SH3TC1: variants seen among roughly 807,000 people sequenced by gnomAD.
SH3TC1 encodes SH3 domain and tetratricopeptide repeat-containing protein 1.
Under a neutral mutation model 117.3 loss-of-function variants are expected in SH3TC1, and 135 were observed. The observed-to-expected ratio is 1.15, with a 90% CI of 1.00 to 1.33. SH3TC1 has a LOEUF of 1.33. SH3TC1 is among the 40% of genes most tolerant of loss of function. SH3TC1 has a pLI of 0.00. For synonymous variants in SH3TC1, 898 were observed against 816.9 expected (o/e 1.10, Z -1.69); for missense variants, 2,092 against 1,794.3 (o/e 1.17, Z -3.00).
rs1487723432 is a variant in SH3TC1, at chr4:8,228,440, G to A, written c.2746G>A (p.Ala916Thr). 1 of 1,604,768 alleles carries A rather than the reference G, an allele frequency of 6.2e-7. No homozygotes were observed. The highest frequency in any genetic ancestry group is 8.5e-7 in the Non-Finnish European group (1 of 1,175,514). The change falls in exon 12 of 18, where the codon GCG becomes ACG. Residue 916 changes from alanine to threonine, a missense_variant. Ala to Thr is a moderately conservative substitution (Grantham distance 58). Coordinates refer to ENST00000245105, the MANE Select transcript of SH3TC1 (RefSeq NM_018986.5). ...CAACTTCGGGGCCCTGTGCCTGCAT[G>A]CGGGTGCCAGCAGGCTGGCCCAGCA... Reference protein sequence around the residue: ...LANFGALCLHAGASRLAQHYL... With the variant: ...LANFGALCLHTGASRLAQHYL...
At chr4:8,208,396 C>A (rs1399730756) in intron 2 of SH3TC1, among the ~76,000 whole-genome samples, 1 of 138,996 alleles carries the variant, frequency 7.2e-6, no homozygotes, top group East Asian at 2.1e-4. Flanking sequence ...GAGATGGAGT[C>A]TCGCTCTGTT....
chr4:8,193,008 GC>G (rs1194075828), intron 1 of SH3TC1, among the ~76,000 whole-genome samples: 1 of 152,182 alleles, frequency 6.6e-6, no homozygotes, highest in East Asian at 1.9e-4. Context: ...ACCACATCTG[GC>G]CCCCTGTCTT....
chr4:8,211,278 C>G lies in SH3TC1; in HGVS notation c.248-1423C>G, dbSNP rs191931651. ...CCACCGTCCTGTTTTCTCCCCCTCC[C>G]TCCTTCTCCCCCTCCCGTTTTCTCC... On this transcript the variant is annotated intron_variant, in intron 3 of 17. Transcript: ENST00000245105. 1.2e-3 allele frequency among the ~76,000 whole-genome samples: 64 copies of G among 55,166 alleles called. 6 individuals carry two copies. The East Asian group carries it at 0.038, about 33-fold the overall frequency. 36.2% of individuals were successfully genotyped at this position (55,166 alleles called of 152,430 possible).
intron 12 of SH3TC1, among the ~76,000 whole-genome samples, chr4:8,230,169 GC>G (rs1721056333): frequency 6.6e-6 from 1 of 152,186 alleles, no homozygotes; most frequent in African/African-American, 2.4e-5. Flanking sequence ...TTTGGCTGTT[GC>G]GTCTAGATGA....
At position 8,199,309 on chromosome 4, in the gene SH3TC1, C is replaced by G. The variant is rs964686030; in HGVS notation, c.-125C>G. The stretch of plus-strand genomic sequence containing the variant: ...TGCTCCGTCCAGCTGGAGACAGCCC[C>G]GTGGGGCCAGCCAGCGCTGGGCCAG... On this transcript the variant is annotated 5_prime_UTR_variant, in exon 1 of 18. Coordinates refer to ENST00000245105, the MANE Select transcript of SH3TC1 (RefSeq NM_018986.5). 1.3e-5 allele frequency: 2 copies of G among 152,284 alleles called. No homozygotes were observed. Among genetic ancestry groups the G allele is most frequent in the Admixed American group, 1.3e-4 (2 of 15,284 alleles). 9.4% of individuals were successfully genotyped at this position (152,284 alleles called of 1,614,324 possible). A position where few individuals can be genotyped will look rare whatever the true frequency, so the allele number is the denominator to read the frequency against.
chr4:8,220,124 C>T (rs1315421907), intron 9 of SH3TC1, among the ~76,000 whole-genome samples: 2 of 152,190 alleles, frequency 1.3e-5, no homozygotes, highest in African/African-American at 2.4e-5. Context: ...CTGCAAAGAT[C>T]CTTTCTCCAA....
At chr4:8,234,648 C>T (rs547745393) in intron 14 of SH3TC1, among the ~76,000 whole-genome samples, 38 of 152,356 alleles carry the variant, frequency 2.5e-4, no homozygotes, top group African/African-American at 9.1e-4. Flanking sequence ...TCCATCCACT[C>T]ATTCCTAAGC....
chr4:8,232,890 C>T (rs774043973), intron 13 of SH3TC1: 9 of 1,216,288 alleles, frequency 7.4e-6, no homozygotes, highest in Non-Finnish European at 7.3e-6. Flanking sequence ...GAGCAGCATC[C>T]ATGTCACCTA....
chr4:8,225,085 C>T lies in SH3TC1; in HGVS notation c.1244-90C>T. On this transcript the variant is annotated intron_variant, in intron 10 of 17. Coordinates refer to ENST00000245105, the MANE Select transcript of SH3TC1 (RefSeq NM_018986.5). This position sits in a 1 kb window ranked among gnomAD's most constrained non-coding sequence, Gnocchi z 5.5. ...CAATACCTGCACCCAGCAATGCTCTCACCCTGCAACATCGACACTAGCTCA... is the reference window on the plus strand; with the variant it reads ...CAATACCTGCACCCAGCAATGCTCTTACCCTGCAACATCGACACTAGCTCA... 2.7e-6 allele frequency: 4 copies of T among 1,491,054 alleles called. No individual in the cohort carries two copies. Among genetic ancestry groups the T allele is most frequent in the Non-Finnish European group, 3.7e-6 (4 of 1,080,300 alleles). The allele number at this position is 1,491,054 out of a possible 1,614,324, so 92.4% of individuals were successfully genotyped here. A position where few individuals can be genotyped will look rare whatever the true frequency, so the allele number is the denominator to read the frequency against.
chr4:8,189,269 C>G (rs917727492), intron 1 of SH3TC1, among the ~76,000 whole-genome samples: 1 of 152,242 alleles, frequency 6.6e-6, no homozygotes, highest in Non-Finnish European at 1.5e-5. Flanking sequence ...GCCCGCCAGT[C>G]TCCTCGCTGG....
At position 8,219,593 on chromosome 4, in the gene SH3TC1, C is replaced by T. The variant is rs1216201764; in HGVS notation, c.1112+63C>T. ...CCCCATCTCACCTAAGGGGACGTTG[C>T]TGCGTCCACCTGGCTCCCCAGGTAA... is the stretch of plus-strand genomic sequence containing the variant. On this transcript the variant is annotated intron_variant, in intron 9 of 17. Coordinates refer to ENST00000245105, the MANE Select transcript of SH3TC1 (RefSeq NM_018986.5). 7.1e-6 allele frequency: 10 copies of T among 1,403,826 alleles called. No individual in the cohort carries two copies. The Admixed American group carries it at 1.8e-4, about 26-fold the overall frequency. The allele number at this position is 1,403,826 out of a possible 1,614,324, so 87.0% of individuals were successfully genotyped here. A position where few individuals can be genotyped will look rare whatever the true frequency, so the allele number is the denominator to read the frequency against.
In SH3TC1 at chr4:8,212,730, A is replaced by T; in HGVS notation, c.277A>T (p.Arg93Trp). 2.5e-6 allele frequency: 4 copies of T among 1,612,886 alleles called. No individual in the cohort carries two copies. The highest frequency in any genetic ancestry group is 3.4e-6 in the Non-Finnish European group (4 of 1,179,918). The change falls in exon 4 of 18, where the codon AGG becomes TGG. Residue 93 changes from arginine (R) to tryptophan (W), a missense_variant. Physicochemically the swap from Arg to Trp is moderately radical, Grantham distance 101. Coordinates refer to ENST00000245105, the MANE Select transcript of SH3TC1 (RefSeq NM_018986.5). ...DLTLQLLAVRRKSRLRDPGLQ... is the reference protein window; with the variant it reads ...DLTLQLLAVRWKSRLRDPGLQ... Reference sequence around the variant, plus strand: ...GACCCTGCAGCTGCTGGCTGTGCGGAGGAAGAGCAGACTGCGGGACCCCGG... The same window carrying T: ...GACCCTGCAGCTGCTGGCTGTGCGGTGGAAGAGCAGACTGCGGGACCCCGG...
chr4:8,236,968 G>T, intron 16 of SH3TC1: 1 of 163,062 alleles, frequency 6.1e-6, no homozygotes, highest in Non-Finnish European at 1.3e-5. Flanking sequence ...AGCCGCGTGG[G>T]AATGCATTGA....
chr4:8,231,731 G>A (rs960217182), intron 12 of SH3TC1: 1 of 539,844 alleles, frequency 1.9e-6, no homozygotes, highest in South Asian at 2.7e-5. Flanking sequence ...AGAAATAGAT[G>A]GCCTGGTGCA....
chr4:8,227,657 G>A lies in SH3TC1; in HGVS notation c.1963G>A (p.Ala655Thr). ...GELLQLALRR[A>T]VGGQSLQAEA... Reference sequence around the variant, plus strand: ...GCTCCTGCAGCTGGCGCTGCGGCGGGCGGTGGGTGGCCAGAGCCTGCAGGC... The same window carrying A: ...GCTCCTGCAGCTGGCGCTGCGGCGGACGGTGGGTGGCCAGAGCCTGCAGGC... The change falls in exon 12 of 18, where the codon GCG (alanine) becomes ACG (threonine). Residue 655 changes from alanine to threonine, a missense_variant. Transcript: ENST00000245105. The A allele has an allele frequency of 6.5e-7, 1 of 1,528,428 alleles. No individual in the cohort carries two copies. Among genetic ancestry groups the A allele is most frequent in the Non-Finnish European group, 8.8e-7 (1 of 1,139,618 alleles). The allele number at this position is 1,528,428 out of a possible 1,614,324, so 94.7% of individuals were successfully genotyped here. A position where few individuals can be genotyped will look rare whatever the true frequency, so the allele number is the denominator to read the frequency against.
At chr4:8,234,071 CA>C (rs199714680) in intron 14 of SH3TC1, among the ~76,000 whole-genome samples, 1,641 of 151,296 alleles carry the variant, frequency 0.011, 27 homozygotes, top group African/African-American at 0.038. Context: ...ATCATCCATC[CA>C]TTTATTCATC....
At chr4:8,231,901 G>T (rs910368562) in intron 12 of SH3TC1, 75 bp from the exon 13 acceptor site, 4 of 1,544,672 alleles carry the variant, frequency 2.6e-6, no homozygotes, top group Admixed American at 1.7e-5. Context: ...CAAGCACACC[G>T]CAGGGGCCTC....
upstream of SH3TC1, among the ~76,000 whole-genome samples, chr4:8,195,102 C>A (rs1174276532): frequency 6.6e-6 from 1 of 152,208 alleles, no homozygotes; most frequent in African/African-American, 2.4e-5. Context: ...GAGATACTCA[C>A]CAGCAGGCAT....
Position 8,215,213 on chromosome 4 carries a change from G to C in SH3TC1, c.481+633G>C, listed in dbSNP as rs954142444. On this transcript the variant is annotated intron_variant, in intron 5 of 17. Transcript: ENST00000245105. Reference sequence around the variant, plus strand: ...CCGTCCAGTGGCCTCAGTGCTGACCGGGAAAGCTGTTATTTGAAAGCTGAC... The same window carrying C: ...CCGTCCAGTGGCCTCAGTGCTGACCCGGAAAGCTGTTATTTGAAAGCTGAC... 8.8e-6 allele frequency: 4 copies of C among 456,242 alleles called. No homozygotes were observed. In the East Asian group the frequency reaches 2.8e-4, roughly 32 times the overall value. 28.3% of individuals were successfully genotyped at this position (456,242 alleles called of 1,614,324 possible). A position where few individuals can be genotyped will look rare whatever the true frequency, so the allele number is the denominator to read the frequency against.
Sources: gnomAD v4.1 joint callset for allele counts (sites outside exome capture counted in the v4.1 genomes callset) on GRCh38, gnomAD v4.1.1 for gene constraint, Gnocchi (gnomAD v3.1) non-coding constraint, MANE v1.5 for transcripts, NCBI Gene and HGNC (gene_info 2026-07-23, HGNC 2026-07-21) for gene names.